SERPINE2: variants seen among roughly 807,000 people sequenced by gnomAD.
SERPINE2 encodes serpin family E member 2.
A neutral mutation model predicts 36.3 loss-of-function variants in SERPINE2; 14 were observed. The observed-to-expected ratio is 0.39, with a 90% CI of 0.25 to 0.60. SERPINE2 has a LOEUF of 0.60. Among genes scored for constraint, SERPINE2 ranks in the 20% least tolerant of loss-of-function variants. SERPINE2 has a pLI of 0.57. For missense variants in SERPINE2, 418 were observed against 499.6 expected (o/e 0.84, Z 1.56); for synonymous variants, 192 against 191.8 (o/e 1.00, Z -0.01).
intron 4 of SERPINE2, 189 bp from the exon 5 acceptor site, chr2:223,985,139 T>C (rs565367373): frequency 1.7e-6 from 1 of 600,688 alleles, no homozygotes; most frequent in South Asian, 2.0e-5. Flanking sequence ...GAATTCTCCT[T>C]TCTTCAGTCT....
intron 3 of SERPINE2, among the ~76,000 whole-genome samples, chr2:223,993,733 A>G (rs1349772152): frequency 6.6e-6 from 1 of 152,214 alleles, no homozygotes; most frequent in East Asian, 1.9e-4. Context: ...AAGTGTTTAC[A>G]TAAATCATGA....
At chr2:224,020,198 G>A (rs2099602) in intron 1 of SERPINE2, among the ~76,000 whole-genome samples, 143,766 of 152,184 alleles carry the variant, frequency 0.94, 68,263 homozygotes, top group Non-Finnish European at 0.99. Flanking sequence ...GAACAACCAT[G>A]GAAAGGTTGA....
At chr2:224,027,379 G>A (rs561061244) in intron 1 of SERPINE2, among the ~76,000 whole-genome samples, 1 of 152,228 alleles carries the variant, frequency 6.6e-6, no homozygotes, top group Non-Finnish European at 1.5e-5. Flanking sequence ...CAGTCTTCAG[G>A]GTCACAGACT....
Position 224,011,494 on chromosome 2 carries a change from T to C in SERPINE2, c.-22-9572A>G, listed in dbSNP as rs115100301. On this transcript the variant is annotated intron_variant, in intron 1 of 8. Transcript: ENST00000409304. ...AAATCATATTTTGAGATATTATTTATCAATCTATAATCAAAACTGGGCCAT... is the reference window on the plus strand; with the variant it reads ...AAATCATATTTTGAGATATTATTTACCAATCTATAATCAAAACTGGGCCAT... Among the ~76,000 whole-genome samples, 502 of 152,308 alleles carry C rather than the reference T, an allele frequency of 3.3e-3. 3 individuals are homozygous for C. The highest frequency in any genetic ancestry group is 0.011 in the African/African-American group (473 of 41,550).
At chr2:224,016,782 T>G (rs1327546284) in intron 1 of SERPINE2, among the ~76,000 whole-genome samples, 3 of 152,210 alleles carry the variant, frequency 2.0e-5, no homozygotes, top group African/African-American at 7.2e-5. Flanking sequence ...CACAGACTAC[T>G]ACTCAGTAAT....
chr2:223,981,698 T>C (rs568290683), intron 6 of SERPINE2: 3 of 152,204 alleles, frequency 2.0e-5, no homozygotes, highest in African/African-American at 4.8e-5. Flanking sequence ...CTTGGAAAGA[T>C]TGCTATGTTC....
chr2:224,031,153 C>T (rs750997789), intron 1 of SERPINE2: 200 of 985,282 alleles, frequency 2.0e-4, no homozygotes, highest in Non-Finnish European at 2.3e-4. Context: ...TATCAGCTCA[C>T]GGTTCACACA....
In SERPINE2 at chr2:223,996,460, A is replaced by G. The variant is rs566842483; in HGVS notation, c.487+1655T>C. Among the ~76,000 whole-genome samples the G allele has an allele frequency of 2.6e-5, 4 of 152,200 alleles. No individual in the cohort carries two copies. In the South Asian group the frequency reaches 8.3e-4, roughly 32 times the overall value. On this transcript the variant is annotated intron_variant, in intron 3 of 8. Coordinates refer to ENST00000409304, the MANE Select transcript of SERPINE2 (RefSeq NM_001136528.2). ...AGAAGGGACGCCACGAATTTACCCA[A>G]GTCACCTGGGGTCTCCTCCACCCTC...
In SERPINE2 at chr2:223,975,124, A is replaced by G. The variant is rs1289281340; in HGVS notation, c.*743T>C. 1.3e-5 allele frequency: 2 copies of G among 152,332 alleles called. No homozygotes were observed. The highest frequency in any genetic ancestry group is 2.9e-5 in the Non-Finnish European group (2 of 68,030). The allele number at this position is 152,332 out of a possible 1,614,324, so 9.4% of individuals were successfully genotyped here. On this transcript the variant is annotated 3_prime_UTR_variant, in exon 9 of 9. Transcript: ENST00000409304. ...ATGTCTAAAAGGCTCAGTTTCTTCT[A>G]TTGTATTTTCAAATAGCAGAGAAAT...
chr2:224,016,201 T>C (rs1295695740), intron 1 of SERPINE2, among the ~76,000 whole-genome samples: 1 of 152,208 alleles, frequency 6.6e-6, no homozygotes, highest in Non-Finnish European at 1.5e-5. Context: ...ACAGCCGCTC[T>C]AGAAAACAGT....
intron 5 of SERPINE2, among the ~76,000 whole-genome samples, chr2:223,982,994 C>T (rs1418023441): frequency 6.6e-6 from 1 of 152,230 alleles, no homozygotes; most frequent in African/African-American, 2.4e-5. Context: ...GTCATATGTA[C>T]TAACGGCAAG....
chr2:223,995,586 T>G (rs1469280660), intron 3 of SERPINE2, among the ~76,000 whole-genome samples: 2 of 152,250 alleles, frequency 1.3e-5, no homozygotes, highest in Non-Finnish European at 2.9e-5. Context: ...CTTTTTCGTG[T>G]GTAAACACAG....
chr2:224,009,581 G>C (rs1357375775), intron 1 of SERPINE2, among the ~76,000 whole-genome samples: 1 of 152,014 alleles, frequency 6.6e-6, no homozygotes, highest in Non-Finnish European at 1.5e-5. Context: ...TATAATCCCA[G>C]CTACTCCAGA....
At chr2:223,996,848 G>A (rs1158158613) in intron 3 of SERPINE2, among the ~76,000 whole-genome samples, 2 of 152,190 alleles carry the variant, frequency 1.3e-5, no homozygotes, top group Admixed American at 6.5e-5. Context: ...AGGCTGAGGC[G>A]AGAGGACTGC....
intron 1 of SERPINE2, among the ~76,000 whole-genome samples, chr2:224,036,330 AG>A (rs1692532989): frequency 7.0e-6 from 1 of 141,894 alleles, no homozygotes; most frequent in Non-Finnish European, 1.5e-5. Context: ...GGTGGCAACC[AG>A]GGATGGAAAA....
intron 1 of SERPINE2, among the ~76,000 whole-genome samples, chr2:224,027,154 T>C (rs940205824): frequency 3.1e-4 from 47 of 152,208 alleles, no homozygotes; most frequent in African/African-American, 9.9e-4. Context: ...GTCACTTCTC[T>C]GCATGAAGGG....
intron 1 of SERPINE2, among the ~76,000 whole-genome samples, chr2:224,008,889 T>C (rs907028143): frequency 7.9e-5 from 12 of 152,220 alleles, no homozygotes; most frequent in African/African-American, 2.4e-4. Context: ...TTCACACCGA[T>C]GGCTCAAACA....
chr2:224,000,874 T>C (rs1691093381), intron 2 of SERPINE2, among the ~76,000 whole-genome samples: 1 of 152,228 alleles, frequency 6.6e-6, no homozygotes, highest in African/African-American at 2.4e-5. Flanking sequence ...CTCTTTTTTA[T>C]GGCTGCATAG....
At chr2:224,009,056 C>T (rs1350785189) in intron 1 of SERPINE2, among the ~76,000 whole-genome samples, 1 of 152,146 alleles carries the variant, frequency 6.6e-6, no homozygotes, top group African/African-American at 2.4e-5. Flanking sequence ...GTGGATTGCC[C>T]TCGTGTGACA....
Sources: gnomAD v4.1 joint callset for allele counts (sites outside exome capture counted in the v4.1 genomes callset) on GRCh38, gnomAD v4.1.1 for gene constraint, MANE v1.5 for transcripts, NCBI Gene and HGNC (gene_info 2026-07-23, HGNC 2026-07-21) for gene names.